PELI2: variants seen among roughly 807,000 people sequenced by gnomAD.
PELI2 encodes the protein pellino E3 ubiquitin protein ligase family member 2.
A neutral mutation model predicts 42.3 loss-of-function variants in PELI2; 23 were observed. The ratio of observed to expected loss-of-function variants is 0.54; its 90% confidence interval spans 0.39 to 0.77. The LOEUF (loss-of-function observed/expected upper bound fraction) is 0.77, where lower values mean the gene tolerates loss of function less well. Ranked by LOEUF, PELI2 falls within the 30% of genes least tolerant of loss-of-function variation. The probability of loss-of-function intolerance (pLI) is 0.00; values close to 1 mark genes in which losing one functional copy is unlikely to be tolerated. For missense variants in PELI2, 463 were observed against 553.2 expected, an observed-to-expected ratio of 0.84 and a Z score of 1.64; for synonymous variants, 245 against 212.2, an observed-to-expected ratio of 1.15 and a Z score of -1.34.
intron 1 of PELI2, among the ~76,000 whole-genome samples, chr14:56,142,231 T>A (rs938384128): frequency 6.6e-6 from 1 of 152,116 alleles, no homozygotes; most frequent in Non-Finnish European, 1.5e-5. Context: ...TTGGATAGAA[T>A]CAAGACATGC....
intron 1 of PELI2, among the ~76,000 whole-genome samples, chr14:56,172,584 T>A (rs1185898231): frequency 6.6e-6 from 1 of 152,168 alleles, no homozygotes; most frequent in African/African-American, 2.4e-5. Context: ...GGCTGTATGA[T>A]GAATGATCAA....
intron 1 of PELI2, among the ~76,000 whole-genome samples, chr14:56,132,501 G>A (rs1261663552): frequency 1.3e-5 from 2 of 152,134 alleles, no homozygotes; most frequent in African/African-American, 2.4e-5. Flanking sequence ...CTGTGTAGGC[G>A]GACAGCCCTG....
At chr14:56,290,028 C>T (rs1345614880) in intron 4 of PELI2, among the ~76,000 whole-genome samples, 2 of 152,142 alleles carry the variant, frequency 1.3e-5, no homozygotes, top group African/African-American at 2.4e-5. Context: ...CGATTTTTTG[C>T]AAGTTCTTGA....
intron 1 of PELI2, among the ~76,000 whole-genome samples, chr14:56,138,400 G>A (rs1883764029): frequency 6.6e-6 from 1 of 151,938 alleles, no homozygotes; most frequent in African/African-American, 2.4e-5. Context: ...CAGGATTTGA[G>A]CATTTCCTCT....
At chr14:56,118,782 A>C in intron 1 of PELI2, 45 bp downstream of exon 1, 2 of 1,311,200 alleles carry the variant, frequency 1.5e-6, no homozygotes, top group Non-Finnish European at 2.1e-6. Context: ...GCGGGCGGGG[A>C]GCGCCCGCAT....
chr14:56,260,983 T>G (rs1888693111), intron 2 of PELI2, among the ~76,000 whole-genome samples: 1 of 151,876 alleles, frequency 6.6e-6, no homozygotes, highest in Non-Finnish European at 1.5e-5. Flanking sequence ...TGAGGTACCG[T>G]GAGGCTGTCT....
rs1566631907 is a variant in PELI2, at chr14:56,197,717, A to C, written c.207+19253A>C. ...TGTTTTTGGATGAGATTAACATTTA[A>C]ATCTCTAGACTTTGAGTAAAGCACA... On this transcript the variant is annotated intron_variant, in intron 2 of 5. Transcript: ENST00000267460. The surrounding 1 kb of genome is among the most constrained non-coding windows in gnomAD (Gnocchi z 4.9). Among the ~76,000 whole-genome samples, 1 of 152,228 alleles carries C rather than the reference A, an allele frequency of 6.6e-6. No homozygotes were observed. The highest frequency in any genetic ancestry group is 1.9e-4 in the East Asian group (1 of 5,172).
chr14:56,272,064 T>C (rs1198897260), intron 2 of PELI2, among the ~76,000 whole-genome samples: 11 of 152,190 alleles, frequency 7.2e-5, no homozygotes, highest in Non-Finnish European at 1.3e-4. Context: ...TGGCCCTCTA[T>C]TTTTGAGAGG....
intron 1 of PELI2, among the ~76,000 whole-genome samples, chr14:56,157,950 A>G (rs969057574): frequency 6.6e-6 from 1 of 152,142 alleles, no homozygotes; most frequent in Admixed American, 6.5e-5. Context: ...TGTACCATCA[A>G]GTTTCTTTAT....
Position 56,140,927 on chromosome 14 carries a change from G to C in PELI2, c.77+22190G>C, listed in dbSNP as rs567384241. On this transcript the variant is annotated intron_variant, in intron 1 of 5. Transcript: ENST00000267460. ...TGGCAGGTTTGCTGGCCTGGGCATG[G>C]GGTTGCTGACATAGCAGCTGAACAT... 5.9e-5 allele frequency among the ~76,000 whole-genome samples: 9 copies of C among 152,256 alleles called. No individual in the cohort carries two copies. In the East Asian group the frequency reaches 1.7e-3, roughly 29 times the overall value.
rs1430863485 is a variant in PELI2, at chr14:56,216,486, G to A, written c.207+38022G>A. 2.6e-5 allele frequency among the ~76,000 whole-genome samples: 4 copies of A among 152,354 alleles called. 1 individual carries two copies. The highest frequency in any genetic ancestry group is 1.9e-4 in the East Asian group (1 of 5,192). ...AAACACACATACTCATACCCAACAAGACATAGGCTGTTCTGTGCTGCAAGC... is the reference window on the plus strand; with the variant it reads ...AAACACACATACTCATACCCAACAAAACATAGGCTGTTCTGTGCTGCAAGC... On this transcript the variant is annotated intron_variant, in intron 2 of 5. Transcript: ENST00000267460.
rs1182879739 is a variant in PELI2, at chr14:56,300,043, G to A, written c.*2877G>A. 6.6e-6 allele frequency: 1 copy of A among 152,580 alleles called. No homozygotes were observed. The highest frequency in any genetic ancestry group is 1.5e-5 in the Non-Finnish European group (1 of 68,032). The allele number at this position is 152,580 out of a possible 1,614,324, so 9.5% of individuals were successfully genotyped here. A position where few individuals can be genotyped will look rare whatever the true frequency, so the allele number is the denominator to read the frequency against. On this transcript the variant is annotated 3_prime_UTR_variant, in exon 6 of 6. Coordinates refer to ENST00000267460, the MANE Select transcript of PELI2 (RefSeq NM_021255.3). ...TATTTGGTTCAGCTTTTAGCAAAAA[G>A]GGCTACAGTTCACCCTGCAGAGTAT...
intron 3 of PELI2, among the ~76,000 whole-genome samples, chr14:56,282,147 A>G (rs777805168): frequency 1.3e-5 from 2 of 152,124 alleles, no homozygotes; most frequent in Non-Finnish European, 2.9e-5. Context: ...AAGATTGGAA[A>G]CAACCTAAAT....
chr14:56,237,016 T>C (rs1410604298), intron 2 of PELI2, among the ~76,000 whole-genome samples: 1 of 152,200 alleles, frequency 6.6e-6, no homozygotes, highest in Non-Finnish European at 1.5e-5. Flanking sequence ...TTCCCCCTGC[T>C]CCTAGCACTC....
chr14:56,121,847 A>G (rs1011140307), intron 1 of PELI2, among the ~76,000 whole-genome samples: 5 of 152,206 alleles, frequency 3.3e-5, no homozygotes, highest in Admixed American at 1.3e-4. Context: ...TGTAGAAACT[A>G]TTTAGTTACA....
intron 2 of PELI2, among the ~76,000 whole-genome samples, chr14:56,233,694 G>A (rs1045767467): frequency 6.6e-6 from 1 of 152,160 alleles, no homozygotes. Context: ...CATAGGCATG[G>A]ACAAGGACTT....
intron 2 of PELI2, among the ~76,000 whole-genome samples, chr14:56,196,002 G>A (rs539173545): frequency 6.6e-5 from 10 of 152,302 alleles, no homozygotes; most frequent in African/African-American, 2.4e-4. Flanking sequence ...TACTGGGCGT[G>A]GGTAGAGAAG....
chr14:56,122,688 C>T (rs1267299194), intron 1 of PELI2, among the ~76,000 whole-genome samples: 4 of 151,528 alleles, frequency 2.6e-5, no homozygotes, highest in East Asian at 3.9e-4. Context: ...AGATGGAGTT[C>T]GGGACATTCT....
At chr14:56,199,505 A>G (rs972343431) in intron 2 of PELI2, among the ~76,000 whole-genome samples, 2 of 152,216 alleles carry the variant, frequency 1.3e-5, no homozygotes, top group African/African-American at 2.4e-5. Context: ...ATTAAAATGG[A>G]AGATTACATT....
Sources: gnomAD v4.1 joint callset for allele counts (sites outside exome capture counted in the v4.1 genomes callset) on GRCh38, gnomAD v4.1.1 for gene constraint, Gnocchi (gnomAD v3.1) non-coding constraint, MANE v1.5 for transcripts, NCBI Gene and HGNC (gene_info 2026-07-23, HGNC 2026-07-21) for gene names.